DMD: variants seen among roughly 807,000 people sequenced by gnomAD.
DMD encodes mutant dystrophin.
In DMD, 63 loss-of-function variants were observed where a neutral mutation model predicts 330.1. The ratio of observed to expected loss-of-function variants is 0.19; its 90% CI spans 0.16 to 0.24. The LOEUF is 0.24. Ranked by LOEUF, DMD falls within the 10% of genes least tolerant of loss-of-function variation. DMD has a pLI of 1.00. For missense variants in DMD, 3,344 were observed against 2,684.1 expected (o/e 1.25, Z -5.43); for synonymous variants, 1,223 against 959.8 (o/e 1.27, Z -5.07).
chrX:31,265,794 GGGGT>G (rs1290510757), intron 62 of DMD, among the ~76,000 whole-genome samples: 15 of 74,543 alleles, frequency 2.0e-4, no homozygotes, highest in African/African-American at 6.8e-4. Flanking sequence ...GGGGGGGGGG[GGGGT>G]GGGTGACAAG....
At position 32,056,695 on chromosome X, in the gene DMD, TAAA is replaced by T. The variant is rs977484459; in HGVS notation, c.6439-88184_6439-88182del. The stretch of plus-strand genomic sequence containing the variant: ...TCACTGGTGAAATCTAATGAACAGT[TAAA>T]GAAGAATTAACACCAATCCTTCTCA... On this transcript the variant is annotated intron_variant, in intron 44 of 78. Transcript: ENST00000357033. 1.5e-3 allele frequency among the ~76,000 whole-genome samples: 163 copies of T among 110,829 alleles called. 2 individuals carry two copies. The highest frequency in any genetic ancestry group is 1.7e-3 in the African/African-American group (53 of 30,679).
In DMD at chrX:31,385,733, A is replaced by G. The variant is rs180875437; in HGVS notation, c.9085-37099T>C. Among the ~76,000 whole-genome samples, 11 of 112,316 alleles carry G rather than the reference A, an allele frequency of 9.8e-5. No individual in the cohort carries two copies. In the East Asian group the frequency reaches 2.5e-3, roughly 26 times the overall value. On this transcript the variant is annotated intron_variant, in intron 60 of 78. Transcript: ENST00000357033. The stretch of plus-strand genomic sequence containing the variant: ...TCATTCAAAAGTCAGGAAACAACAG[A>G]TGCCAGAGAGGATGTGGAGAAATAG...
chrX:32,927,510 G>A (rs1051604835), intron 2 of DMD, among the ~76,000 whole-genome samples: 8 of 108,855 alleles, frequency 7.3e-5, no homozygotes, highest in African/African-American at 2.7e-4. Flanking sequence ...TTGAACTCCC[G>A]GCCTCAGGTG....
chrX:31,655,089 G>A (rs2080700365), intron 54 of DMD, among the ~76,000 whole-genome samples: 1 of 111,473 alleles, frequency 9.0e-6, no homozygotes, highest in Non-Finnish European at 1.9e-5. Flanking sequence ...ACCCTAAACT[G>A]CTTAACCCAT....
intron 7 of DMD, among the ~76,000 whole-genome samples, chrX:32,791,315 C>G (rs1162904207): frequency 8.9e-6 from 1 of 111,895 alleles, no homozygotes. Context: ...TTCCTGACAA[C>G]CAAGCAAGCC....
chrX:32,995,516 T>C (rs2093093856), intron 2 of DMD, among the ~76,000 whole-genome samples: 1 of 112,099 alleles, frequency 8.9e-6, no homozygotes, highest in African/African-American at 3.2e-5. Flanking sequence ...ATGAGTGTTC[T>C]TGGCATTGGG....
At chrX:32,168,339 A>G (rs2096875427) in intron 44 of DMD, among the ~76,000 whole-genome samples, 1 of 110,978 alleles carries the variant, frequency 9.0e-6, no homozygotes, top group Admixed American at 9.6e-5. Context: ...CAATGATCCT[A>G]CCAATGTGAG....
chrX:32,635,671 G>A (rs2059046212), intron 11 of DMD, among the ~76,000 whole-genome samples: 1 of 111,656 alleles, frequency 9.0e-6, no homozygotes, highest in Non-Finnish European at 1.9e-5. Flanking sequence ...TTGTTGCATG[G>A]CAATAATGAA....
chrX:32,586,446 AAT>A (rs751849623), intron 13 of DMD, among the ~76,000 whole-genome samples: 32 of 108,519 alleles, frequency 2.9e-4, no homozygotes, highest in African/African-American at 8.7e-4. Context: ...AAAATAAATA[AAT>A]ATATATGTTT....
At chrX:32,546,677 C>A (rs1334836099) in intron 16 of DMD, among the ~76,000 whole-genome samples, 1 of 111,276 alleles carries the variant, frequency 9.0e-6, no homozygotes, top group Non-Finnish European at 1.9e-5. Flanking sequence ...TTTTGGTAGG[C>A]TAAAAGGATA....
chrX:32,182,404 A>G (rs1486412286), intron 44 of DMD, among the ~76,000 whole-genome samples: 1 of 111,694 alleles, frequency 9.0e-6, no homozygotes, highest in African/African-American at 3.3e-5. Context: ...AAAATCTAAC[A>G]TCTTCTCAAG....
chrX:31,387,331 A>G (rs2148765334), intron 60 of DMD, among the ~76,000 whole-genome samples: 2 of 112,098 alleles, frequency 1.8e-5, no homozygotes, highest in East Asian at 5.6e-4. Flanking sequence ...CATCTTGGCC[A>G]AGTCTTAACC....
chrX:31,555,965 G>C (rs2074787009), intron 55 of DMD, among the ~76,000 whole-genome samples: 1 of 111,646 alleles, frequency 9.0e-6, no homozygotes, highest in Non-Finnish European at 1.9e-5. Flanking sequence ...AGGCTGCCTG[G>C]TAGTATACTT....
chrX:32,036,706 T>C (rs1190001531), intron 44 of DMD, among the ~76,000 whole-genome samples: 1 of 111,521 alleles, frequency 9.0e-6, no homozygotes, highest in Non-Finnish European at 1.9e-5. Flanking sequence ...AACATAAGAA[T>C]GGTAATTGCG....
chrX:32,527,021 T>G (rs1170470287), intron 17 of DMD, among the ~76,000 whole-genome samples: 1 of 112,269 alleles, frequency 8.9e-6, no homozygotes, highest in Non-Finnish European at 1.9e-5. Flanking sequence ...ACTAATTTGA[T>G]TAGTGAACTA....
At chrX:32,757,816 A>T (rs1417717065) in intron 7 of DMD, among the ~76,000 whole-genome samples, 1 of 111,604 alleles carries the variant, frequency 9.0e-6, no homozygotes, top group Non-Finnish European at 1.9e-5. Context: ...ATTCCTTTAT[A>T]GGTTTATTTT....
intron 62 of DMD, among the ~76,000 whole-genome samples, chrX:31,310,197 CT>C (rs1290406991): frequency 0.017 from 1,251 of 73,747 alleles, 20 homozygotes; most frequent in African/African-American, 0.08. Context: ...CTCTCTCTCT[CT>C]CTCTCTCCAT....
At chrX:31,898,531 T>C (rs2094378846) in intron 47 of DMD, among the ~76,000 whole-genome samples, 1 of 111,704 alleles carries the variant, frequency 9.0e-6, no homozygotes. Context: ...GGATTCCCTA[T>C]TTAATAAACG....
At chrX:32,216,053 A>G (rs1267589724) in intron 44 of DMD, among the ~76,000 whole-genome samples, 3 of 112,234 alleles carry the variant, frequency 2.7e-5, no homozygotes, top group Non-Finnish European at 3.8e-5. Flanking sequence ...TGAAATATCT[A>G]AAGTATTTAA....
Sources: gnomAD v4.1 joint callset for allele counts (sites outside exome capture counted in the v4.1 genomes callset) on GRCh38, gnomAD v4.1.1 for gene constraint, MANE v1.5 for transcripts, NCBI Gene and HGNC (gene_info 2026-07-23, HGNC 2026-07-21) for gene names.